The following MAP2 variants were observed in gnomAD, a reference collection of about 807,000 sequenced individuals.
MAP2 encodes the protein microtubule-associated protein 2.
A neutral mutation model predicts 137.6 loss-of-function variants in MAP2; 14 were observed. The ratio of observed to expected loss-of-function variants is 0.10; its 90% confidence interval spans 0.07 to 0.16. The LOEUF (loss-of-function observed/expected upper bound fraction) is 0.16, where lower values mean the gene tolerates loss of function less well. Ranked by LOEUF, MAP2 falls within the 10% of genes least tolerant of loss-of-function variation. The probability of loss-of-function intolerance (pLI) is 1.00; values close to 1 mark genes in which losing one functional copy is unlikely to be tolerated. For synonymous variants in MAP2, 786 were observed against 782.3 expected (o/e 1.00, Z -0.08); for missense variants, 2,088 against 2,191.5 (o/e 0.95, Z 0.94).
intron 5 of MAP2, among the ~76,000 whole-genome samples, chr2:209,666,098 T>C (rs188430094): frequency 2.9e-4 from 44 of 152,286 alleles, no homozygotes; most frequent in African/African-American, 1.0e-3. Flanking sequence ...AAATTGGCTT[T>C]GGTTGTTTTT....
At chr2:209,678,286 A>C (rs912774758) in intron 5 of MAP2, among the ~76,000 whole-genome samples, 4 of 152,026 alleles carry the variant, frequency 2.6e-5, no homozygotes, top group Admixed American at 1.3e-4. Flanking sequence ...AGTTGAAAAT[A>C]AATTTCTGTT....
At chr2:209,661,978 C>T (rs759129036) in intron 5 of MAP2, among the ~76,000 whole-genome samples, 5 of 152,102 alleles carry the variant, frequency 3.3e-5, no homozygotes, top group African/African-American at 7.2e-5. Context: ...GGTAGTTTGT[C>T]CCATAAAAAT....
intron 1 of MAP2, among the ~76,000 whole-genome samples, chr2:209,459,310 A>G (rs538819185): frequency 9.9e-4 from 151 of 152,314 alleles, no homozygotes; most frequent in Non-Finnish European, 1.3e-3. Flanking sequence ...GAAGTGAGAC[A>G]TGGAAAGCCC....
At chr2:209,588,687 G>C (rs1016031081) in intron 3 of MAP2, among the ~76,000 whole-genome samples, 3 of 152,004 alleles carry the variant, frequency 2.0e-5, no homozygotes, top group Admixed American at 6.6e-5. Context: ...ATAAGGTGAA[G>C]CATGCAAGCG....
chr2:209,521,865 TA>T (rs1472983719), intron 2 of MAP2, among the ~76,000 whole-genome samples: 1 of 152,166 alleles, frequency 6.6e-6, no homozygotes, highest in African/African-American at 2.4e-5. Flanking sequence ...ATTTTTTCAA[TA>T]AAATTATAAA....
rs1255769573 is a variant in MAP2, at chr2:209,693,350, G to A, written c.1180G>A (p.Ala394Thr). 3 of 1,612,592 alleles carry A rather than the reference G, an allele frequency of 1.9e-6. No individual in the cohort carries two copies. The change falls in exon 8 of 16, where the codon GCT (alanine) becomes ACT (threonine). Residue 394 changes from alanine (A) to threonine (T), a missense_variant. By Grantham distance (58) the Ala-to-Thr change is moderately conservative. Transcript: ENST00000682079. ...PSEAMTLPKD[A>T]HIPVVEEHVM... is the part of the protein sequence containing the mutation. ...AGAGGCAATGACCTTACCCAAAGATGCTCACATTCCAGTTGTAGAAGAACA... is the reference window on the plus strand; with the variant it reads ...AGAGGCAATGACCTTACCCAAAGATACTCACATTCCAGTTGTAGAAGAACA...
chr2:209,730,051 C>A (rs2075529053), intron 15 of MAP2, 89 bp downstream of exon 15: 3 of 1,161,358 alleles, frequency 2.6e-6, no homozygotes, highest in African/African-American at 1.5e-5. Context: ...AGATTGTAGA[C>A]CTGGACAAAT....
chr2:209,434,814 C>CCTCTCTCTCT lies in MAP2; in HGVS notation c.-222+10549_-222+10558dup, dbSNP rs58596249. ...TCCAGCCTGCATGACAGAGCCAGATCCTCTCTCTCTCTCTCTCTCTATATA... is the reference window on the plus strand; with the variant it reads ...TCCAGCCTGCATGACAGAGCCAGATCCTCTCTCTCTCTCTCTCTCTCTCTCTCTCTATATA... On this transcript the variant is annotated intron_variant, in intron 1 of 15. Transcript: ENST00000682079. Among the ~76,000 whole-genome samples, 332 of 103,286 alleles carry CCTCTCTCTCT rather than the reference C, an allele frequency of 3.2e-3. 15 individuals carry two copies. Among genetic ancestry groups the CCTCTCTCTCT allele is most frequent in the African/African-American group, 0.015 (303 of 20,060 alleles). 67.8% of individuals were successfully genotyped at this position (103,286 alleles called of 152,430 possible).
chr2:209,487,725 A>C (rs901161110), intron 1 of MAP2, among the ~76,000 whole-genome samples: 5 of 152,204 alleles, frequency 3.3e-5, no homozygotes, highest in African/African-American at 1.2e-4. Flanking sequence ...TTCATCACTC[A>C]ACTCTCTTAC....
At chr2:209,638,441 A>G (rs2093738973) in intron 4 of MAP2, among the ~76,000 whole-genome samples, 1 of 152,154 alleles carries the variant, frequency 6.6e-6, no homozygotes. Context: ...CAGTGGGCAC[A>G]GCACAACACA....
chr2:209,702,209 G>A (rs756856183), intron 11 of MAP2, among the ~76,000 whole-genome samples: 1 of 151,992 alleles, frequency 6.6e-6, no homozygotes, highest in Non-Finnish European at 1.5e-5. Context: ...TGAGTAACTC[G>A]ATAGAATCAG....
At chr2:209,690,585 A>G (rs1257180164) in intron 7 of MAP2, 4 of 1,268,610 alleles carry the variant, frequency 3.2e-6, no homozygotes, top group South Asian at 2.6e-5. Context: ...TGATGTCAAC[A>G]TCTTTTTCAT....
intron 1 of MAP2, among the ~76,000 whole-genome samples, chr2:209,473,712 T>C (rs1706408953): frequency 6.6e-6 from 1 of 152,102 alleles, no homozygotes; most frequent in Non-Finnish European, 1.5e-5. Flanking sequence ...CTGAAGTGTT[T>C]ATGAGACTAG....
chr2:209,634,159 A>G (rs2093350708), intron 4 of MAP2, among the ~76,000 whole-genome samples: 1 of 152,138 alleles, frequency 6.6e-6, no homozygotes, highest in Admixed American at 6.6e-5. Flanking sequence ...TCCACCTCCC[A>G]CAGGGTGTTC....
chr2:209,455,789 T>C (rs1245637352), intron 1 of MAP2, among the ~76,000 whole-genome samples: 4 of 152,168 alleles, frequency 2.6e-5, no homozygotes, highest in Non-Finnish European at 5.9e-5. Context: ...ATAACTGGAT[T>C]CTCATTCTTA....
chr2:209,640,059 C>A (rs1326465434), intron 4 of MAP2, among the ~76,000 whole-genome samples: 1 of 152,140 alleles, frequency 6.6e-6, no homozygotes, highest in Non-Finnish European at 1.5e-5. Context: ...AGGATTTGGT[C>A]ATCTAGGCTC....
chr2:209,578,956 A>G (rs1217680825), intron 2 of MAP2, among the ~76,000 whole-genome samples: 2 of 151,914 alleles, frequency 1.3e-5, no homozygotes, highest in African/African-American at 4.8e-5. Flanking sequence ...TTCTCTTGTA[A>G]GGAAAACATG....
chr2:209,520,387 G>C (rs1576968647), intron 2 of MAP2, among the ~76,000 whole-genome samples: 2 of 152,092 alleles, frequency 1.3e-5, no homozygotes, highest in South Asian at 4.1e-4. Flanking sequence ...AGTAGGAACA[G>C]CATAAAATGC....
chr2:209,562,874 G>T (rs537084809), intron 2 of MAP2, among the ~76,000 whole-genome samples: 4 of 152,192 alleles, frequency 2.6e-5, no homozygotes, highest in African/African-American at 9.6e-5. Context: ...AAAATTGGGG[G>T]TCATGTTTCA....
Sources: allele counts gnomAD v4.1 joint callset (sites outside exome capture counted in the v4.1 genomes callset), GRCh38; gene constraint gnomAD v4.1.1; transcripts MANE v1.5; gene names NCBI Gene and HGNC (gene_info 2026-07-23, HGNC 2026-07-21).